Variants in BMPR1B observed in about 807,000 individuals in gnomAD.
BMPR1B encodes bone morphogenetic protein receptor type-1B.
Under a neutral mutation model 59.1 loss-of-function variants are expected in BMPR1B, and 12 were observed. That is an observed-to-expected ratio of 0.20 (90% CI 0.13 to 0.33). BMPR1B has a LOEUF of 0.33. BMPR1B is among the 10% of genes least tolerant of loss of function. BMPR1B has a pLI of 1.00. For missense variants in BMPR1B, 550 were observed against 610.9 expected (o/e 0.90, Z 1.05); for synonymous variants, 237 against 207.3 (o/e 1.14, Z -1.23).
chr4:95,004,672 A>G (rs1284783698), intron 3 of BMPR1B, among the ~76,000 whole-genome samples: 1 of 152,116 alleles, frequency 6.6e-6, no homozygotes, highest in Non-Finnish European at 1.5e-5. Context: ...TTCTCTCTAT[A>G]CCAATTTTAA....
chr4:95,038,126 G>T (rs1725395767), intron 3 of BMPR1B, among the ~76,000 whole-genome samples: 1 of 152,170 alleles, frequency 6.6e-6, no homozygotes, highest in African/African-American at 2.4e-5. Context: ...AAGATTTGAA[G>T]GAGTCAATGG....
At chr4:95,002,128 A>T (rs6816059) in intron 3 of BMPR1B, among the ~76,000 whole-genome samples, 1 of 152,136 alleles carries the variant, frequency 6.6e-6, no homozygotes, top group Non-Finnish European at 1.5e-5. Flanking sequence ...CTCTCTTCCT[A>T]CCTTCCCTCC....
At chr4:94,962,436 G>A (rs1730406628) in intron 2 of BMPR1B, among the ~76,000 whole-genome samples, 1 of 151,910 alleles carries the variant, frequency 6.6e-6, no homozygotes, top group African/African-American at 2.4e-5. Flanking sequence ...ATTCTTTCTA[G>A]CAGTATGTTT....
At chr4:95,107,995 G>A (rs562950921) in intron 4 of BMPR1B, among the ~76,000 whole-genome samples, 5 of 151,684 alleles carry the variant, frequency 3.3e-5, no homozygotes, top group Admixed American at 6.6e-5. Flanking sequence ...CCTCCAAATC[G>A]GTACTTCTCA....
chr4:94,853,348 A>C (rs1359422569), intron 1 of BMPR1B, among the ~76,000 whole-genome samples: 1 of 152,218 alleles, frequency 6.6e-6, no homozygotes, highest in Non-Finnish European at 1.5e-5. Context: ...AAAGCTAAGA[A>C]TACAAACCAC....
chr4:95,114,927 A>G, intron 5 of BMPR1B, 105 bp downstream of exon 5: 1 of 1,070,776 alleles, frequency 9.3e-7, no homozygotes, highest in Non-Finnish European at 1.5e-6. Context: ...TTTTTAGTAT[A>G]GTCATGAGCT....
intron 3 of BMPR1B, among the ~76,000 whole-genome samples, chr4:95,000,081 G>A (rs1034951422): frequency 2.6e-5 from 4 of 152,200 alleles, no homozygotes; most frequent in Admixed American, 1.3e-4. Flanking sequence ...GTATATATCA[G>A]GAACAAGTGT....
At chr4:95,009,656 C>T (rs1269154132) in intron 3 of BMPR1B, among the ~76,000 whole-genome samples, 5 of 152,076 alleles carry the variant, frequency 3.3e-5, no homozygotes, top group African/African-American at 4.8e-5. Flanking sequence ...GTGGCAGGTT[C>T]GAACACCAGT....
chr4:94,937,719 G>C lies in BMPR1B; in HGVS notation c.-112-58321G>C, dbSNP rs139671014. 6.5e-3 allele frequency among the ~76,000 whole-genome samples: 963 copies of C among 147,680 alleles called. 14 individuals are homozygous for C. The highest frequency in any genetic ancestry group is 0.022 in the African/African-American group (901 of 40,190). ...ATGTATATGTATAAACACACACACA[G>C]ACACACACACACACACACAGACACA... is the stretch of plus-strand genomic sequence containing the variant. On this transcript the variant is annotated intron_variant, in intron 2 of 12. Transcript: ENST00000515059.
chr4:95,116,988 A>T (rs1732117809), intron 6 of BMPR1B, among the ~76,000 whole-genome samples: 1 of 152,146 alleles, frequency 6.6e-6, no homozygotes, highest in African/African-American at 2.4e-5. Context: ...GCACCGTGTC[A>T]ATAACTATAT....
At chr4:95,112,843 T>C (rs1010706565) in intron 4 of BMPR1B, among the ~76,000 whole-genome samples, 1 of 152,144 alleles carries the variant, frequency 6.6e-6, no homozygotes, top group Admixed American at 6.6e-5. Context: ...TCTTTTTTAT[T>C]CTTAACAGTT....
intron 2 of BMPR1B, among the ~76,000 whole-genome samples, chr4:94,967,402 T>G (rs1331570235): frequency 6.6e-6 from 1 of 152,162 alleles, no homozygotes; most frequent in Admixed American, 6.5e-5. Context: ...AGTAACTTTC[T>G]GTAACTGTAT....
At chr4:94,842,109 C>G (rs1725111094) in intron 1 of BMPR1B, among the ~76,000 whole-genome samples, 1 of 152,090 alleles carries the variant, frequency 6.6e-6, no homozygotes, top group Non-Finnish European at 1.5e-5. Flanking sequence ...GACAAGTAGC[C>G]TGAAGCACAA....
intron 1 of BMPR1B, among the ~76,000 whole-genome samples, chr4:94,765,637 C>T (rs1422429353): frequency 6.6e-6 from 1 of 152,096 alleles, no homozygotes; most frequent in African/African-American, 2.4e-5. Context: ...TAATTACATT[C>T]TAGAATTTTT....
At chr4:95,073,660 A>G (rs537652376) in intron 3 of BMPR1B, among the ~76,000 whole-genome samples, 20 of 152,292 alleles carry the variant, frequency 1.3e-4, no homozygotes, top group Admixed American at 6.5e-4. Flanking sequence ...AAATATTTTC[A>G]CACTGAGAAT....
At chr4:94,969,074 C>T (rs982138490) in intron 2 of BMPR1B, among the ~76,000 whole-genome samples, 6 of 151,292 alleles carry the variant, frequency 4.0e-5, no homozygotes, top group South Asian at 2.1e-4. Context: ...CTTGCTTTGT[C>T]GCCAGGCTGG....
At chr4:95,063,114 C>T (rs1459639587) in intron 3 of BMPR1B, among the ~76,000 whole-genome samples, 1 of 151,974 alleles carries the variant, frequency 6.6e-6, no homozygotes, top group African/African-American at 2.4e-5. Context: ...TTTAATGAAT[C>T]ACCTTATTAT....
chr4:95,039,757 A>AT (rs1216217821), intron 3 of BMPR1B, among the ~76,000 whole-genome samples: 3 of 151,520 alleles, frequency 2.0e-5, no homozygotes, highest in Admixed American at 6.6e-5. Flanking sequence ...ACATTATGAG[A>AT]TTTTTTTTGC....
chr4:94,771,874 C>T (rs1722199772), intron 1 of BMPR1B, among the ~76,000 whole-genome samples: 1 of 152,122 alleles, frequency 6.6e-6, no homozygotes, highest in Non-Finnish European at 1.5e-5. Flanking sequence ...TTGATAATGT[C>T]TGAAATGATA....
Sources: gnomAD v4.1 joint callset for allele counts (sites outside exome capture counted in the v4.1 genomes callset) on GRCh38, gnomAD v4.1.1 for gene constraint, MANE v1.5 for transcripts, NCBI Gene and HGNC (gene_info 2026-07-23, HGNC 2026-07-21) for gene names.